ABHD2: variants seen among roughly 807,000 people sequenced by gnomAD.
The protein encoded by ABHD2 is monoacylglycerol lipase ABHD2.
A neutral mutation model predicts 48.1 loss-of-function variants in ABHD2; 20 were observed. The ratio of observed to expected loss-of-function variants is 0.42; its 90% CI spans 0.29 to 0.60. The LOEUF is 0.60. Among genes scored for constraint, ABHD2 ranks in the 20% least tolerant of loss-of-function variants. ABHD2 has a pLI of 0.24. For synonymous variants in ABHD2, 209 were observed against 214.2 expected (o/e 0.98, Z 0.21); for missense variants, 405 against 550.9 (o/e 0.74, Z 2.65).
chr15:89,181,228 CAAA>C (rs61411388), intron 6 of ABHD2, among the ~76,000 whole-genome samples: 3 of 69,176 alleles, frequency 4.3e-5, no homozygotes, highest in Non-Finnish European at 7.6e-5. Context: ...GACTCTGTCT[CAAA>C]AAAAAAAAAA....
rs76723343 is a variant in ABHD2, at chr15:89,163,067, A to G, written c.538+7533A>G. 2.5e-3 allele frequency among the ~76,000 whole-genome samples: 380 copies of G among 152,358 alleles called. 1 individual carries two copies. The highest frequency in any genetic ancestry group is 8.7e-3 in the African/African-American group (360 of 41,580). Reference sequence around the variant, plus strand: ...ATTGCCTCTCTTTTGAGCAGATGCCAGGCATTCAAGTCACTGTGAATACCC... The same window carrying G: ...ATTGCCTCTCTTTTGAGCAGATGCCGGGCATTCAAGTCACTGTGAATACCC... On this transcript the variant is annotated intron_variant, in intron 5 of 10. Transcript: ENST00000352732.
At chr15:89,192,987 C>T (rs1109794) in intron 9 of ABHD2, among the ~76,000 whole-genome samples, 59,526 of 152,058 alleles carry the variant, frequency 0.39, 11,949 homozygotes, top group Non-Finnish European at 0.41. Context: ...ATCTGAAACA[C>T]TCTGATGATT....
the ABHD2 span, among the ~76,000 whole-genome samples, chr15:89,058,266 C>T: frequency 3.9e-5 from 6 of 152,244 alleles, no homozygotes; most frequent in African/African-American, 1.2e-4. Flanking sequence ...GCCTCACATA[C>T]GTGTGGATAC....
At chr15:89,129,862 A>T (rs116942940) in intron 3 of ABHD2, among the ~76,000 whole-genome samples, 100 of 152,290 alleles carry the variant, frequency 6.6e-4, no homozygotes, top group Non-Finnish European at 1.1e-3. Flanking sequence ...TTCAGTAAAT[A>T]TAGCTGCTAT....
chr15:89,163,141 G>T (rs1353292641), intron 5 of ABHD2, among the ~76,000 whole-genome samples: 1 of 152,204 alleles, frequency 6.6e-6, no homozygotes, highest in Non-Finnish European at 1.5e-5. Flanking sequence ...ACTAAAGAGG[G>T]CATTAACATG....
At chr15:89,079,422 T>C in the ABHD2 span, among the ~76,000 whole-genome samples, 1 of 152,208 alleles carries the variant, frequency 6.6e-6, no homozygotes, top group Admixed American at 6.5e-5. This position sits in a 1 kb window ranked among gnomAD's most constrained non-coding sequence, Gnocchi z 4.3. Flanking sequence ...TACTTGTGTT[T>C]CTTTCTCCCA....
At chr15:89,133,349 A>C (rs2050250283) in intron 3 of ABHD2, among the ~76,000 whole-genome samples, 1 of 152,210 alleles carries the variant, frequency 6.6e-6, no homozygotes, top group Non-Finnish European at 1.5e-5. Context: ...GTTGCATTGA[A>C]TGCTTCTGTA....
upstream of ABHD2, among the ~76,000 whole-genome samples, chr15:89,084,866 C>A (rs1901328502): frequency 6.6e-6 from 1 of 152,170 alleles, no homozygotes; most frequent in South Asian, 2.1e-4. The surrounding 1 kb of genome is among the most constrained non-coding windows in gnomAD (Gnocchi z 4.4). Flanking sequence ...CTGCGTTTTA[C>A]AGAAGAAAGT....
Position 89,168,630 on chromosome 15 carries a change from G to A in ABHD2, c.539-7182G>A, listed in dbSNP as rs921592040. ...AGATGTGTTTGGATTTAATTAAATT[G>A]AGGCTCCCAAAGTGCCTACACAATT... On this transcript the variant is annotated intron_variant, in intron 5 of 10. Transcript: ENST00000352732. This position sits in a 1 kb window ranked among gnomAD's most constrained non-coding sequence, Gnocchi z 4.8. 6.6e-6 allele frequency among the ~76,000 whole-genome samples: 1 copy of A among 152,186 alleles called. No individual in the cohort carries two copies. Among genetic ancestry groups the A allele is most frequent in the Non-Finnish European group, 1.5e-5 (1 of 68,032 alleles).
Position 89,200,421 on chromosome 15 carries a change from C to G in ABHD2, c.*4998C>G, listed in dbSNP as rs1212423483. The G allele has an allele frequency of 6.5e-6, 1 of 152,716 alleles. No individual in the cohort carries two copies. Among genetic ancestry groups the G allele is most frequent in the Non-Finnish European group, 1.5e-5 (1 of 68,226 alleles). The allele number at this position is 152,716 out of a possible 1,614,324, so 9.5% of individuals were successfully genotyped here. On this transcript the variant is annotated 3_prime_UTR_variant, in exon 11 of 11. Coordinates refer to ENST00000352732, the MANE Select transcript of ABHD2 (RefSeq NM_152924.5). ...CGGCCAGGCAAGCGCTCCTCACTTC[C>G]CAGATGGGGCGGCTCCCGGGAAGCG...
chr15:89,055,867 G>C, the ABHD2 span, among the ~76,000 whole-genome samples: 2 of 151,878 alleles, frequency 1.3e-5, no homozygotes, highest in Admixed American at 1.3e-4. Flanking sequence ...TGTGATTTTT[G>C]CTTTTTTGTT....
intron 1 of ABHD2, among the ~76,000 whole-genome samples, chr15:89,099,599 C>T (rs2150782585): frequency 6.6e-6 from 1 of 152,174 alleles, no homozygotes; most frequent in South Asian, 2.1e-4. Context: ...GGTAACAGAG[C>T]AAGACCTTGT....
At chr15:89,147,742 T>C (rs1039680687) in intron 3 of ABHD2, among the ~76,000 whole-genome samples, 2 of 152,146 alleles carry the variant, frequency 1.3e-5, no homozygotes, top group Non-Finnish European at 2.9e-5. Flanking sequence ...TATCTTGTTA[T>C]ATAACCATAA....
At position 89,094,760 on chromosome 15, in the gene ABHD2, G is replaced by T. The variant is rs2049585162; in HGVS notation, c.-107+6197G>T. On this transcript the variant is annotated intron_variant, in intron 1 of 10. Transcript: ENST00000352732. This position sits in a 1 kb window ranked among gnomAD's most constrained non-coding sequence, Gnocchi z 4.7. The stretch of plus-strand genomic sequence containing the variant: ...ACAAATAAGGAAATACAAAAGCCCT[G>T]TCATCTAAAAAGATATTTTAGCCTG... Among the ~76,000 whole-genome samples, 2 of 151,356 alleles carry T rather than the reference G, an allele frequency of 1.3e-5. No individual in the cohort carries two copies. Among genetic ancestry groups the T allele is most frequent in the Non-Finnish European group, 2.9e-5 (2 of 67,862 alleles).
Position 89,164,384 on chromosome 15 carries a change from G to C in ABHD2, c.538+8850G>C, listed in dbSNP as rs2050806265. Among the ~76,000 whole-genome samples, 1 of 152,136 alleles carries C rather than the reference G, an allele frequency of 6.6e-6. No individual in the cohort carries two copies. The highest frequency in any genetic ancestry group is 2.1e-4 in the South Asian group (1 of 4,832). ...TCTCCTCCATCTAGTGTATCACTTA[G>C]AGAGAGATGGTCAGGAAAGGCCTGC... On this transcript the variant is annotated intron_variant, in intron 5 of 10. Coordinates refer to ENST00000352732, the MANE Select transcript of ABHD2 (RefSeq NM_152924.5). This position sits in a 1 kb window ranked among gnomAD's most constrained non-coding sequence, Gnocchi z 5.0.
Position 89,189,628 on chromosome 15 carries a change from T to A in ABHD2, c.926+1325T>A, listed in dbSNP as rs898622428. The stretch of plus-strand genomic sequence containing the variant: ...TCTGCTTTGCTTCCTTATGAGATTT[T>A]AGTAGCCTTCTTACACCAAGTAACG... On this transcript the variant is annotated intron_variant, in intron 8 of 10. Transcript: ENST00000352732. The surrounding 1 kb of genome is among the most constrained non-coding windows in gnomAD (Gnocchi z 4.9). Among the ~76,000 whole-genome samples the A allele has an allele frequency of 1.3e-5, 2 of 152,260 alleles. No homozygotes were observed. Among genetic ancestry groups the A allele is most frequent in the African/African-American group, 4.8e-5 (2 of 41,476 alleles).
chr15:89,151,857 G>A lies in ABHD2; in HGVS notation c.370+5G>A. On this transcript the variant is annotated splice_donor_5th_base_variant and intron_variant, in intron 4 of 10. Transcript: ENST00000352732. This position sits in a 1 kb window ranked among gnomAD's most constrained non-coding sequence, Gnocchi z 4.7. ...TGGCTGAGCACTGTGTTGGAGGTGA[G>A]CTGCTTTAGATTGTGTGATTGAGCC... 1 of 1,613,530 alleles carries A rather than the reference G, an allele frequency of 6.2e-7. No homozygotes were observed.
In ABHD2 at chr15:89,195,436, CTG is replaced by C. The variant is rs747515785; in HGVS notation, c.*14_*15del. ...CGACCTGGAGTGAGGCCTCCGGACT[CTG>C]GCACGCTCCAGCAGCCCTCCTCTGG... On this transcript the variant is annotated 3_prime_UTR_variant, in exon 11 of 11. Transcript: ENST00000352732. This position sits in a 1 kb window ranked among gnomAD's most constrained non-coding sequence, Gnocchi z 5.1. The C allele has an allele frequency of 7.4e-6, 12 of 1,611,120 alleles. No individual in the cohort carries two copies. Among genetic ancestry groups the C allele is most frequent in the Non-Finnish European group, 8.5e-7 (1 of 1,178,866 alleles).
chr15:89,059,586 TTAACTCTC>T, the ABHD2 span, among the ~76,000 whole-genome samples: 2 of 152,246 alleles, frequency 1.3e-5, no homozygotes, highest in Non-Finnish European at 2.9e-5. Context: ...ATTGGAGAAT[TTAACTCTC>T]TCATAGGGAT....
Sources: allele counts gnomAD v4.1 joint callset (sites outside exome capture counted in the v4.1 genomes callset), GRCh38; gene constraint gnomAD v4.1.1; non-coding constraint Gnocchi (gnomAD v3.1); transcripts MANE v1.5; gene names NCBI Gene and HGNC (gene_info 2026-07-23, HGNC 2026-07-21).